RBM34: variants seen among roughly 807,000 people sequenced by gnomAD.
The protein encoded by RBM34 is RNA binding motif protein 34.
A neutral mutation model predicts 44.6 loss-of-function variants in RBM34; 39 were observed. The observed-to-expected ratio is 0.87, with a 90% CI of 0.68 to 1.14. The LOEUF (loss-of-function observed/expected upper bound fraction) is 1.14. RBM34 is among the 50% of genes most tolerant of loss of function. The pLI, the probability that RBM34 is intolerant of heterozygous loss-of-function variation, is 0.00. For synonymous variants in RBM34, 194 were observed against 184.0 expected (o/e 1.05, Z -0.44); for missense variants, 572 against 517.9 (o/e 1.10, Z -1.01).
chr1:235,157,930 G>A (rs972432041), intron 3 of RBM34, among the ~76,000 whole-genome samples: 11 of 152,178 alleles, frequency 7.2e-5, no homozygotes, highest in African/African-American at 2.2e-4. Flanking sequence ...CAAGTGCGTG[G>A]AAGGGTGAAC....
At chr1:235,136,956 C>G (rs1009089998) in intron 8 of RBM34, among the ~76,000 whole-genome samples, 1 of 152,190 alleles carries the variant, frequency 6.6e-6, no homozygotes, top group African/African-American at 2.4e-5. Context: ...GCCTTTACAA[C>G]ACTTTTGGTC....
At chr1:235,160,418 G>A in intron 3 of RBM34, 93 bp downstream of exon 3, 1 of 1,461,508 alleles carries the variant, frequency 6.8e-7, no homozygotes, top group African/African-American at 1.4e-5. Flanking sequence ...AAAGAAAGTA[G>A]AAATATGAAA....
At chr1:235,137,121 G>C in intron 8 of RBM34, among the ~76,000 whole-genome samples, 1 of 152,100 alleles carries the variant, frequency 6.6e-6, no homozygotes, top group East Asian at 1.9e-4. Context: ...TCCCAATGCT[G>C]AGCTGACAAA....
At chr1:235,132,039 C>G in intron 10 of RBM34, 42 bp from the exon 11 acceptor site, 1 of 1,503,114 alleles carries the variant, frequency 6.7e-7, no homozygotes, top group Non-Finnish European at 8.9e-7. Flanking sequence ...ACCAGAAACC[C>G]ATCTGCAAAG....
At chr1:235,145,881 G>C (rs1661878638) in intron 6 of RBM34, among the ~76,000 whole-genome samples, 1 of 151,878 alleles carries the variant, frequency 6.6e-6, no homozygotes, top group Non-Finnish European at 1.5e-5. Flanking sequence ...AAGCTCCTGG[G>C]CTCAAGTGAT....
intron 4 of RBM34, among the ~76,000 whole-genome samples, chr1:235,154,366 G>GT (rs1662304786): frequency 6.7e-6 from 1 of 150,172 alleles, no homozygotes; most frequent in African/African-American, 2.5e-5. Context: ...AAGCCCAGGA[G>GT]TTTGAGACCA....
rs190909455 is a variant in RBM34 at position 235,159,478 on chromosome 1, G to T, written c.365+1033C>A. On this transcript the variant is annotated intron_variant, in intron 3 of 10. Transcript: ENST00000408888. The stretch of plus-strand genomic sequence containing the variant: ...CAGAAGAATCACTTGAACCCAGGAG[G>T]CGGAGGTTGCAGTGAGTCAAGATTG... Among the ~76,000 whole-genome samples the T allele has an allele frequency of 9.9e-3, 1,507 of 151,564 alleles. 11 individuals are homozygous for T. The highest frequency in any genetic ancestry group is 0.015 in the Non-Finnish European group (1,005 of 67,920).
At chr1:235,139,710 A>G (rs573268658) in intron 6 of RBM34, among the ~76,000 whole-genome samples, 5 of 152,340 alleles carry the variant, frequency 3.3e-5, no homozygotes, top group South Asian at 2.1e-4. Context: ...CCACAGCATC[A>G]TAACTTTTGT....
intron 8 of RBM34, among the ~76,000 whole-genome samples, chr1:235,136,592 C>T (rs1661443163): frequency 6.6e-6 from 1 of 152,214 alleles, no homozygotes; most frequent in Non-Finnish European, 1.5e-5. Context: ...TCATCCAGGT[C>T]GTTGTCATTT....
At chr1:235,160,459 T>A in intron 3 of RBM34, 52 bp downstream of exon 3, 1 of 1,551,296 alleles carries the variant, frequency 6.4e-7, no homozygotes, top group South Asian at 1.2e-5. Context: ...AGTATAGGAA[T>A]GTTAATTTAC....
chr1:235,137,796 G>T, intron 8 of RBM34, 81 bp downstream of exon 8: 1 of 1,113,946 alleles, frequency 9.0e-7, no homozygotes, highest in South Asian at 1.5e-5. Context: ...GCTGATTCCA[G>T]TCCCCTTCCA....
intron 6 of RBM34, among the ~76,000 whole-genome samples, chr1:235,146,415 A>C (rs1661909677): frequency 6.6e-6 from 1 of 152,186 alleles, no homozygotes; most frequent in African/African-American, 2.4e-5. Flanking sequence ...CAGATCTCCA[A>C]GTTGTACTAA....
At position 235,149,017 on chromosome 1, in the gene RBM34, G is replaced by A. The variant is rs192007053; in HGVS notation, c.658-570C>T. ...AAACCCAGACAGAAGTTAAGATACC[G>A]GGCTCTCAAATTGCATCAGATGACT... On this transcript the variant is annotated intron_variant, in intron 5 of 10. Coordinates refer to ENST00000408888, the MANE Select transcript of RBM34 (RefSeq NM_015014.4). Among the ~76,000 whole-genome samples, 496 of 152,090 alleles carry A rather than the reference G, an allele frequency of 3.3e-3. 4 individuals are homozygous for A. Among genetic ancestry groups the A allele is most frequent in the African/African-American group, 0.011 (459 of 41,496 alleles).
At chr1:235,152,218 T>A (rs1430424019) in intron 5 of RBM34, among the ~76,000 whole-genome samples, 1 of 152,208 alleles carries the variant, frequency 6.6e-6, no homozygotes, top group Non-Finnish European at 1.5e-5. Flanking sequence ...TGGCTATAAC[T>A]GGTTCAGAGT....
intron 10 of RBM34, 49 bp downstream of exon 10, chr1:235,135,603 C>T (rs926282649): frequency 1.4e-6 from 2 of 1,424,030 alleles, no homozygotes; most frequent in Middle Eastern, 1.8e-4. Context: ...AGTGTCAATG[C>T]CTCCCAGGGC....
At chr1:235,144,541 A>G (rs903882637) in intron 6 of RBM34, among the ~76,000 whole-genome samples, 4 of 152,114 alleles carry the variant, frequency 2.6e-5, no homozygotes, top group Non-Finnish European at 5.9e-5. Context: ...GGCTATAAGA[A>G]AAAGGAAAAA....
At chr1:235,135,431 G>C (rs899869574) in intron 10 of RBM34, among the ~76,000 whole-genome samples, 9 of 151,836 alleles carry the variant, frequency 5.9e-5, no homozygotes, top group Admixed American at 5.9e-4. Flanking sequence ...GTTTTACCAT[G>C]TGGGCCAGGC....
Position 235,160,931 on chromosome 1 carries a change from C to G in RBM34, c.190G>C (p.Glu64Gln). 6.2e-7 allele frequency: 1 copy of G among 1,614,160 alleles called. No individual in the cohort carries two copies. The highest frequency in any genetic ancestry group is 8.5e-7 in the Non-Finnish European group (1 of 1,180,044). The change falls in exon 2 of 11, where the codon GAG (glutamate) becomes CAG (glutamine). Residue 64 changes from glutamate (E) to glutamine (Q), a missense_variant. Glu to Gln is a conservative substitution (Grantham distance 29). Transcript: ENST00000408888. The part of the protein sequence containing the change: ...GRLASLFSSL[E>Q]PQIQPVYVPV... ...ACGTACACGGGTTGAATCTGGGGCTCCAGAGAACTGAAGAGGGACGCCAGC... is the reference window on the plus strand; with the variant it reads ...ACGTACACGGGTTGAATCTGGGGCTGCAGAGAACTGAAGAGGGACGCCAGC...
intron 6 of RBM34, among the ~76,000 whole-genome samples, chr1:235,144,457 A>C (rs1206493555): frequency 2.0e-5 from 3 of 150,296 alleles, no homozygotes; most frequent in Non-Finnish European, 4.4e-5. Context: ...AAAATTGTAC[A>C]TGTCAAATAT....
Sources: allele counts gnomAD v4.1 joint callset (sites outside exome capture counted in the v4.1 genomes callset), GRCh38; gene constraint gnomAD v4.1.1; transcripts MANE v1.5; gene names NCBI Gene and HGNC (gene_info 2026-07-23, HGNC 2026-07-21).